Variants in DLGAP1 observed in about 807,000 individuals in gnomAD.
DLGAP1 encodes DLG associated protein 1.
A neutral mutation model predicts 90.8 loss-of-function variants in DLGAP1; 11 were observed. That is an observed-to-expected ratio of 0.12 (90% CI 0.08 to 0.20). The LOEUF (loss-of-function observed/expected upper bound fraction) is 0.20. DLGAP1 is among the 10% of genes least tolerant of loss of function. The pLI is 1.00. For missense variants in DLGAP1, 1,050 were observed against 1,333.8 expected (o/e 0.79, Z 3.31); for synonymous variants, 558 against 540.7 (o/e 1.03, Z -0.44).
chr18:4,316,553 G>C (rs2080532601), intron 1 of DLGAP1, among the ~76,000 whole-genome samples: 1 of 152,142 alleles, frequency 6.6e-6, no homozygotes, highest in Admixed American at 6.5e-5. Context: ...GTGCCCTGGA[G>C]AGACATGTAA....
chr18:4,118,860 A>T (rs569048819), intron 2 of DLGAP1, among the ~76,000 whole-genome samples: 1 of 152,146 alleles, frequency 6.6e-6, no homozygotes, highest in Non-Finnish European at 1.5e-5. Flanking sequence ...AATTCTCTTT[A>T]AAAAACTATG....
Position 4,244,189 on chromosome 18 carries a change from A to G in DLGAP1, c.-266-92902T>C, listed in dbSNP as rs149096950. On this transcript the variant is annotated intron_variant, in intron 1 of 12. Transcript: ENST00000315677. ...TTCCTGGATAAGAGTGTCAGTAGGA[A>G]ATCTGGACTAACAACGGTCACCTTC... Among the ~76,000 whole-genome samples the G allele has an allele frequency of 1.6e-3, 248 of 152,260 alleles. 6 individuals carry two copies. In the East Asian group the frequency reaches 0.039, roughly 24 times the overall value.
At chr18:4,265,641 T>TCCCC (rs1568480247) in intron 1 of DLGAP1, among the ~76,000 whole-genome samples, 2 of 28,296 alleles carry the variant, frequency 7.1e-5, no homozygotes. Context: ...CTCCCTCCCC[T>TCCCC]TCCCTCCCTC....
intron 5 of DLGAP1, among the ~76,000 whole-genome samples, chr18:3,766,554 A>G (rs1444704287): frequency 6.6e-6 from 1 of 152,146 alleles, no homozygotes; most frequent in Admixed American, 6.5e-5. Context: ...AACATATACC[A>G]AAATAGTCCA....
At chr18:3,595,803 AC>A in intron 7 of DLGAP1, among the ~76,000 whole-genome samples, 1 of 152,274 alleles carries the variant, frequency 6.6e-6, no homozygotes, top group African/African-American at 2.4e-5. Flanking sequence ...CTGCCCTGTT[AC>A]ATCTGTTAGG....
chr18:4,130,457 C>G (rs2076296614), intron 2 of DLGAP1, among the ~76,000 whole-genome samples: 1 of 152,210 alleles, frequency 6.6e-6, no homozygotes, highest in Admixed American at 6.5e-5. Flanking sequence ...ATTAGAAACT[C>G]TTACCATTTC....
intron 8 of DLGAP1, among the ~76,000 whole-genome samples, chr18:3,578,077 T>A (rs999511006): frequency 6.6e-6 from 1 of 152,206 alleles, no homozygotes; most frequent in Non-Finnish European, 1.5e-5. Flanking sequence ...AAATGTACCA[T>A]ATGAAATAAG....
intron 2 of DLGAP1, among the ~76,000 whole-genome samples, chr18:4,055,316 G>A (rs1338105119): frequency 2.0e-5 from 3 of 152,144 alleles, no homozygotes; most frequent in Non-Finnish European, 4.4e-5. Flanking sequence ...AGGAGTACAT[G>A]TGCTGGTTTG....
intron 3 of DLGAP1, among the ~76,000 whole-genome samples, chr18:3,951,437 A>G (rs1358511096): frequency 6.6e-6 from 1 of 152,258 alleles, no homozygotes; most frequent in Non-Finnish European, 1.5e-5. Flanking sequence ...TAATTTGAAA[A>G]TGATGTACTG....
intron 3 of DLGAP1, among the ~76,000 whole-genome samples, chr18:3,994,747 T>G (rs1436637231): frequency 2.6e-5 from 4 of 152,220 alleles, no homozygotes; most frequent in Admixed American, 2.6e-4. Flanking sequence ...TGCTAAATTA[T>G]AAAGTCCAAA....
intron 8 of DLGAP1, 43 bp downstream of exon 8, chr18:3,581,832 G>A: frequency 6.2e-7 from 1 of 1,600,162 alleles, no homozygotes; most frequent in Non-Finnish European, 8.5e-7. Flanking sequence ...ACATTCCTTA[G>A]TTTTAAGTTC....
intron 3 of DLGAP1, among the ~76,000 whole-genome samples, chr18:3,963,060 T>C (rs1346091465): frequency 6.6e-6 from 1 of 152,204 alleles, no homozygotes; most frequent in Non-Finnish European, 1.5e-5. Context: ...TTTCTATTCA[T>C]GTGCATCTTG....
intron 3 of DLGAP1, among the ~76,000 whole-genome samples, chr18:3,990,625 A>T (rs1568338055): frequency 5.3e-5 from 5 of 95,012 alleles, no homozygotes; most frequent in South Asian, 4.3e-4. Flanking sequence ...CTAAAACTTA[A>T]AATATAATAA....
rs373928206 is a variant in DLGAP1, at chr18:4,043,765, C to T, written c.-158-38564G>A. ...ATCCTTCAAGGATACATTGGAGCAA[C>T]GGGTATCCTTCAAGGATACATTGGA... On this transcript the variant is annotated intron_variant, in intron 2 of 12. Transcript: ENST00000315677. Among the ~76,000 whole-genome samples, 18 of 152,132 alleles carry T rather than the reference C, an allele frequency of 1.2e-4. No homozygotes were observed. In the East Asian group the frequency reaches 1.7e-3, roughly 15 times the overall value.
In DLGAP1 at chr18:4,046,605, G is replaced by A. The variant is rs188987718; in HGVS notation, c.-158-41404C>T. ...TGGACATATTAATTCTGAGTATTTG[G>A]GCATTATCTCCTTAGGTCTCTGGCT... On this transcript the variant is annotated intron_variant, in intron 2 of 12. Coordinates refer to ENST00000315677, the MANE Select transcript of DLGAP1 (RefSeq NM_004746.4). Among the ~76,000 whole-genome samples, 437 of 152,284 alleles carry A rather than the reference G, an allele frequency of 2.9e-3. 2 individuals are homozygous for A. Among genetic ancestry groups the A allele is most frequent in the African/African-American group, 8.8e-3 (364 of 41,564 alleles).
intron 1 of DLGAP1, among the ~76,000 whole-genome samples, chr18:4,364,234 C>T (rs1360840869): frequency 3.6e-4 from 43 of 119,538 alleles, no homozygotes; most frequent in African/African-American, 1.3e-3. Flanking sequence ...GGAAGGGGAA[C>T]ATCACACTCT....
chr18:4,251,845 T>C (rs181425424), intron 1 of DLGAP1, among the ~76,000 whole-genome samples: 7 of 152,310 alleles, frequency 4.6e-5, no homozygotes, highest in Non-Finnish European at 1.5e-5. Context: ...GACCTGAACT[T>C]CTTTATCTAT....
chr18:3,527,408 A>C (rs1251157030), intron 10 of DLGAP1, among the ~76,000 whole-genome samples: 1 of 41,560 alleles, frequency 2.4e-5, no homozygotes, highest in African/African-American at 7.5e-5. Flanking sequence ...TTATTTTCCA[A>C]ACTTTTTTTT....
intron 1 of DLGAP1, among the ~76,000 whole-genome samples, chr18:4,181,979 G>T (rs560888229): frequency 6.6e-6 from 1 of 152,226 alleles, no homozygotes; most frequent in African/African-American, 2.4e-5. Context: ...ATAGCGATTT[G>T]CAGATCCCCC....
Sources: allele counts gnomAD v4.1 joint callset (sites outside exome capture counted in the v4.1 genomes callset), GRCh38; gene constraint gnomAD v4.1.1; transcripts MANE v1.5; gene names NCBI Gene and HGNC (gene_info 2026-07-23, HGNC 2026-07-21).